The following SPMAP2L variants were observed in gnomAD, a reference collection of about 807,000 sequenced individuals.
SPMAP2L encodes sperm microtubule associated protein 2-like.
chr4:56,531,119 C>T, the SPMAP2L span: 2 of 1,535,356 alleles, frequency 1.3e-6, no homozygotes, highest in South Asian at 2.4e-5. Context: ...ATGATCTCCC[C>T]CTCTCTGATC....
the SPMAP2L span, among the ~76,000 whole-genome samples, chr4:56,566,172 T>G: frequency 2.0e-5 from 3 of 152,136 alleles, no homozygotes; most frequent in East Asian, 5.8e-4. Flanking sequence ...CCCTTTCCCC[T>G]CTTTGTTGCC....
At chr4:56,531,312 C>T in the SPMAP2L span, 2 of 1,216,528 alleles carry the variant, frequency 1.6e-6, no homozygotes, top group African/African-American at 3.1e-5. Context: ...GAAAAGAACT[C>T]GTGTCATTTA....
the SPMAP2L span, chr4:56,575,726 A>G: frequency 4.5e-6 from 6 of 1,343,690 alleles, no homozygotes; most frequent in African/African-American, 8.7e-5. Flanking sequence ...TAGTGTGTGC[A>G]ATTTCATGAG....
chr4:56,572,589 C>G, the SPMAP2L span, among the ~76,000 whole-genome samples: 2 of 152,150 alleles, frequency 1.3e-5, no homozygotes, highest in Non-Finnish European at 2.9e-5. Context: ...AGATATTACC[C>G]ATTACTATCT....
At chr4:56,536,849 C>T in the SPMAP2L span, among the ~76,000 whole-genome samples, 10 of 152,098 alleles carry the variant, frequency 6.6e-5, no homozygotes, top group Middle Eastern at 3.4e-3. Flanking sequence ...CTGCAAAGTC[C>T]GCCTCCTGGG....
chr4:56,578,303 T>A, the SPMAP2L span, among the ~76,000 whole-genome samples: 2 of 152,290 alleles, frequency 1.3e-5, no homozygotes, highest in Middle Eastern at 6.8e-3. Flanking sequence ...TGAACTAGAT[T>A]GTTGTAAGAT....
the SPMAP2L span, among the ~76,000 whole-genome samples, chr4:56,600,093 C>CTTTTTTTTTT: frequency 1.1e-5 from 1 of 93,860 alleles, no homozygotes; most frequent in African/African-American, 4.7e-5. Context: ...TTTTTCTTTG[C>CTTTTTTTTTT]TTTCTTTTTT....
chr4:56,624,040 T>C, the SPMAP2L span, among the ~76,000 whole-genome samples: 2 of 152,156 alleles, frequency 1.3e-5, no homozygotes, highest in Non-Finnish European at 1.5e-5. Context: ...ACTTGTTGAA[T>C]GGCTTTGACA....
the SPMAP2L span, chr4:56,531,067 C>G: frequency 6.5e-7 from 1 of 1,535,538 alleles, no homozygotes; most frequent in South Asian, 1.2e-5. Context: ...CCGCAAGTCC[C>G]GCGAGGCCAA....
the SPMAP2L span, among the ~76,000 whole-genome samples, chr4:56,621,239 A>G: frequency 2.0e-5 from 3 of 152,226 alleles, no homozygotes; most frequent in Non-Finnish European, 2.9e-5. Flanking sequence ...GAAAAGCAAC[A>G]TGAAAGCAAA....
chr4:56,553,160 AT>A, the SPMAP2L span, among the ~76,000 whole-genome samples: 2 of 58,366 alleles, frequency 3.4e-5, no homozygotes, highest in Non-Finnish European at 7.2e-5. Flanking sequence ...AAGCTTGAAT[AT>A]TTTTTGGATC....
chr4:56,548,778 G>T, the SPMAP2L span: 1 of 1,483,068 alleles, frequency 6.7e-7, no homozygotes, highest in East Asian at 2.6e-5. Flanking sequence ...TTTTACTTTT[G>T]TTTTCTTTTA....
chr4:56,566,694 T>G, the SPMAP2L span, among the ~76,000 whole-genome samples: 1 of 118,432 alleles, frequency 8.4e-6, no homozygotes, highest in East Asian at 2.3e-4. Context: ...TTTTTCTTTT[T>G]CTTTTTTTTT....
chr4:56,564,363 C>T, the SPMAP2L span, among the ~76,000 whole-genome samples: 1 of 152,166 alleles, frequency 6.6e-6, no homozygotes, highest in Admixed American at 6.5e-5. Flanking sequence ...TGGTCTTGAA[C>T]TCCTGACCTC....
chr4:56,554,329 C>T, the SPMAP2L span, among the ~76,000 whole-genome samples: 2 of 152,182 alleles, frequency 1.3e-5, no homozygotes, highest in Non-Finnish European at 2.9e-5. Context: ...CTGTTGCTCT[C>T]CATCTTTGTC....
chr4:56,539,283 T>G, the SPMAP2L span, among the ~76,000 whole-genome samples: 1 of 152,216 alleles, frequency 6.6e-6, no homozygotes, highest in Non-Finnish European at 1.5e-5. Flanking sequence ...GAAGAACTAT[T>G]TCTGTGGTTG....
chr4:56,581,587 T>A, the SPMAP2L span, among the ~76,000 whole-genome samples: 1 of 151,422 alleles, frequency 6.6e-6, no homozygotes, highest in Admixed American at 6.6e-5. Flanking sequence ...GCCACTGCAC[T>A]CCAGCCTGGG....
At chr4:56,602,417 A>T in the SPMAP2L span, among the ~76,000 whole-genome samples, 759 of 152,304 alleles carry the variant, frequency 5.0e-3, 3 homozygotes, top group African/African-American at 0.017. Flanking sequence ...AAGAGGCTGG[A>T]TGCGTTGGCT....
At chr4:56,584,521 A>G in the SPMAP2L span, 1 of 1,535,320 alleles carries the variant, frequency 6.5e-7, no homozygotes, top group Non-Finnish European at 8.7e-7. Context: ...ACTCAGCAAG[A>G]GATTCTCTTC....
Sources: gnomAD v4.1 joint callset for allele counts (sites outside exome capture counted in the v4.1 genomes callset) on GRCh38, gnomAD v4.1.1 for gene constraint, MANE v1.5 for transcripts, NCBI Gene and HGNC (gene_info 2026-07-23, HGNC 2026-07-21) for gene names.